Variants in RBPJ observed in about 807,000 individuals in gnomAD.
RBPJ encodes the protein recombining binding protein suppressor of hairless.
A neutral mutation model predicts 67.8 loss-of-function variants in RBPJ; 9 were observed. The ratio of observed to expected loss-of-function variants is 0.13; its 90% CI spans 0.08 to 0.23. The LOEUF is 0.23. RBPJ is among the 10% of genes least tolerant of loss of function. The probability of loss-of-function intolerance (pLI) is 1.00; values close to 1 mark genes in which losing one functional copy is unlikely to be tolerated. For synonymous variants in RBPJ, 198 were observed against 203.3 expected (o/e 0.97, Z 0.22); for missense variants, 305 against 595.6 (o/e 0.51, Z 5.08).
intron 1 of RBPJ, among the ~76,000 whole-genome samples, chr4:26,209,710 C>T (rs933867744): frequency 2.8e-5 from 4 of 143,184 alleles, no homozygotes; most frequent in Non-Finnish European, 6.2e-5. Context: ...TCTCTCCCTC[C>T]CTTCCTCCTT....
At chr4:26,170,377 C>CA (rs1233351937) in intron 1 of RBPJ, among the ~76,000 whole-genome samples, 1 of 151,796 alleles carries the variant, frequency 6.6e-6, no homozygotes, top group Non-Finnish European at 1.5e-5. Context: ...TCTGTCTCTA[C>CA]AAAAAATACA....
intron 2 of RBPJ, among the ~76,000 whole-genome samples, chr4:26,391,982 A>G (rs1025377059): frequency 6.6e-6 from 1 of 152,154 alleles, no homozygotes. Flanking sequence ...TGTCTTCTTT[A>G]TGTGTCCTCA....
At chr4:26,407,776 A>G (rs917357733) in intron 3 of RBPJ, among the ~76,000 whole-genome samples, 5 of 152,112 alleles carry the variant, frequency 3.3e-5, no homozygotes, top group Non-Finnish European at 7.4e-5. Context: ...GAGAAGGGAA[A>G]TGTAATATGT....
At chr4:26,143,868 C>T in the RBPJ span, among the ~76,000 whole-genome samples, 1 of 152,174 alleles carries the variant, frequency 6.6e-6, no homozygotes, top group Non-Finnish European at 1.5e-5. Context: ...GAAGAAGTTG[C>T]AGTGAGCCAA....
the RBPJ span, chr4:26,113,484 A>G: frequency 1.8e-6 from 1 of 554,626 alleles, no homozygotes; most frequent in Admixed American, 2.1e-5. Flanking sequence ...ACAGGAGAAA[A>G]GCCCTATGAC....
chr4:26,110,244 T>C, the RBPJ span, among the ~76,000 whole-genome samples: 1 of 152,170 alleles, frequency 6.6e-6, no homozygotes, highest in Non-Finnish European at 1.5e-5. This position sits in a 1 kb window ranked among gnomAD's most constrained non-coding sequence, Gnocchi z 4.5. Flanking sequence ...TAGTTTCTGA[T>C]TATGGACCTT....
At chr4:26,245,019 T>G (rs1719879893) in intron 1 of RBPJ, among the ~76,000 whole-genome samples, 1 of 151,300 alleles carries the variant, frequency 6.6e-6, no homozygotes, top group Non-Finnish European at 1.5e-5. Flanking sequence ...ATACTAAAAT[T>G]TACATACCAT....
At chr4:26,408,387 G>T (rs1312756255) in intron 3 of RBPJ, among the ~76,000 whole-genome samples, 1 of 151,040 alleles carries the variant, frequency 6.6e-6, no homozygotes. Context: ...ACTCAAATTA[G>T]TGGTCCTTTT....
the RBPJ span, chr4:26,112,567 T>TTTA: frequency 6.7e-6 from 1 of 148,408 alleles, no homozygotes; most frequent in Non-Finnish European, 1.5e-5. Flanking sequence ...TTTTTTTTTT[T>TTTA]ACAAATAAGA....
At chr4:26,146,911 A>G in the RBPJ span, among the ~76,000 whole-genome samples, 1 of 152,242 alleles carries the variant, frequency 6.6e-6, no homozygotes, top group Non-Finnish European at 1.5e-5. Context: ...AGCACCCTCC[A>G]GGCAGAAGCA....
chr4:26,120,567 A>G, the RBPJ span, among the ~76,000 whole-genome samples: 47 of 152,192 alleles, frequency 3.1e-4, no homozygotes, highest in South Asian at 5.8e-3. Flanking sequence ...ATCCTGGTAA[A>G]TTTCTGAGAC....
chr4:26,254,434 A>G (rs1204756625), intron 1 of RBPJ, among the ~76,000 whole-genome samples: 1 of 148,492 alleles, frequency 6.7e-6, no homozygotes, highest in Non-Finnish European at 1.5e-5. Flanking sequence ...AGGGCTTGCC[A>G]TGTCCTCTTC....
intron 4 of RBPJ, 31 bp downstream of exon 4, chr4:26,415,671 G>T: frequency 6.4e-7 from 1 of 1,559,320 alleles, no homozygotes; most frequent in African/African-American, 1.4e-5. Context: ...CACCAGAAAG[G>T]GGCACCATGG....
chr4:26,395,837 C>CT (rs1402208783), intron 2 of RBPJ, among the ~76,000 whole-genome samples: 1 of 152,202 alleles, frequency 6.6e-6, no homozygotes, highest in Non-Finnish European at 1.5e-5. Flanking sequence ...GAGAAAACCC[C>CT]TGTTCTTTTT....
intron 1 of RBPJ, among the ~76,000 whole-genome samples, chr4:26,198,844 C>CT (rs1261339105): frequency 1.3e-5 from 2 of 152,154 alleles, no homozygotes; most frequent in African/African-American, 4.8e-5. Context: ...AAGAAACTCA[C>CT]TTTTTGCTAA....
chr4:26,270,448 G>GAAAGA (rs1560238073), intron 1 of RBPJ, among the ~76,000 whole-genome samples: 1 of 135,986 alleles, frequency 7.4e-6, no homozygotes, highest in East Asian at 2.1e-4. Flanking sequence ...AAGAAAGAAA[G>GAAAGA]AAAGAAAGAA....
At chr4:26,278,058 A>C (rs970653684) in intron 1 of RBPJ, among the ~76,000 whole-genome samples, 3 of 152,170 alleles carry the variant, frequency 2.0e-5, no homozygotes, top group Non-Finnish European at 4.4e-5. Flanking sequence ...AGGACAGTAT[A>C]TAGTAGTATG....
At chr4:26,240,984 A>G (rs1350035324) in intron 1 of RBPJ, among the ~76,000 whole-genome samples, 3 of 152,102 alleles carry the variant, frequency 2.0e-5, no homozygotes, top group Admixed American at 6.6e-5. Flanking sequence ...TCACACGTAT[A>G]TAAATGAGGA....
intron 1 of RBPJ, among the ~76,000 whole-genome samples, chr4:26,184,798 G>A (rs986912431): frequency 1.3e-5 from 2 of 152,182 alleles, no homozygotes; most frequent in African/African-American, 4.8e-5. Flanking sequence ...TTGTCGGAAG[G>A]CACAGTAATA....
Sources: gnomAD v4.1 joint callset for allele counts (sites outside exome capture counted in the v4.1 genomes callset) on GRCh38, gnomAD v4.1.1 for gene constraint, Gnocchi (gnomAD v3.1) non-coding constraint, MANE v1.5 for transcripts, NCBI Gene and HGNC (gene_info 2026-07-23, HGNC 2026-07-21) for gene names.